The following CPNE4 variants were observed in gnomAD, a reference collection of about 807,000 sequenced individuals.
The protein encoded by CPNE4 is copine-4.
CPNE4 carries 25 observed loss-of-function variants against 67.9 expected under a neutral mutation model. The ratio of observed to expected loss-of-function variants is 0.37; its 90% CI spans 0.27 to 0.51. CPNE4 has a LOEUF of 0.51. CPNE4 is among the 20% of genes least tolerant of loss of function. The pLI is 0.93. For missense variants in CPNE4, 464 were observed against 690.8 expected, an observed-to-expected ratio of 0.67 and a Z score of 3.68; for synonymous variants, 242 against 244.9, an observed-to-expected ratio of 0.99 and a Z score of 0.11.
chr3:131,978,093 A>ATATATT (rs1230591249), intron 1 of CPNE4, among the ~76,000 whole-genome samples: 50 of 53,244 alleles, frequency 9.4e-4, no homozygotes, highest in African/African-American at 1.5e-3. Context: ...ATATAAATAT[A>ATATATT]TATATAAATA....
At chr3:131,989,974 G>T (rs1325849316) in intron 1 of CPNE4, among the ~76,000 whole-genome samples, 2 of 136,178 alleles carry the variant, frequency 1.5e-5, no homozygotes, top group African/African-American at 4.9e-5. Context: ...GCTCCATTTG[G>T]AAGGGGAATG....
chr3:131,960,816 C>T (rs1328017527), intron 1 of CPNE4, among the ~76,000 whole-genome samples: 6 of 152,122 alleles, frequency 3.9e-5, no homozygotes, highest in African/African-American at 1.2e-4. Context: ...GCCCTTTACC[C>T]TCCATAATCC....
At chr3:131,639,856 A>G (rs1215027933) in intron 7 of CPNE4, among the ~76,000 whole-genome samples, 2 of 152,182 alleles carry the variant, frequency 1.3e-5, no homozygotes, top group African/African-American at 2.4e-5. Flanking sequence ...GGTTTAACAT[A>G]CATAAGTCAA....
At chr3:132,002,381 T>C (rs1465975197) in intron 1 of CPNE4, among the ~76,000 whole-genome samples, 1 of 151,974 alleles carries the variant, frequency 6.6e-6, no homozygotes, top group African/African-American at 2.4e-5. Flanking sequence ...TTGTAAGGAG[T>C]TGAACTCTGA....
At chr3:131,850,132 A>T (rs371108933) in intron 2 of CPNE4, among the ~76,000 whole-genome samples, 5 of 152,246 alleles carry the variant, frequency 3.3e-5, no homozygotes, top group Admixed American at 2.0e-4. Flanking sequence ...ATTTCTCTGA[A>T]TTTTAAAACA....
rs2072732482 is a variant in CPNE4, at chr3:131,978,110, AAATATATATAAATAT to A, written c.-2+56442_-2+56456del. On this transcript the variant is annotated intron_variant, in intron 1 of 15. Coordinates refer to ENST00000429747, the MANE Select transcript of CPNE4 (RefSeq NM_130808.3). ...ATAAATATATATATAAATATATATA[AAATATATATAAATAT>A]ATATATTTATATAAATATATATAAA... Among the ~76,000 whole-genome samples, 2 of 55,820 alleles carry A rather than the reference AAATATATATAAATAT, an allele frequency of 3.6e-5. 1 individual carries two copies. The highest frequency in any genetic ancestry group is 5.1e-5 in the Non-Finnish European group (2 of 39,084). 36.6% of individuals were successfully genotyped at this position (55,820 alleles called of 152,430 possible).
intron 2 of CPNE4, among the ~76,000 whole-genome samples, chr3:131,865,288 C>A (rs539546523): frequency 1.2e-4 from 19 of 152,258 alleles, no homozygotes; most frequent in African/African-American, 4.6e-4. Flanking sequence ...ATGGTACCAG[C>A]TCCTCCTTGT....
intron 8 of CPNE4, among the ~76,000 whole-genome samples, chr3:131,584,900 C>T (rs1206259204): frequency 1.3e-5 from 2 of 152,160 alleles, no homozygotes; most frequent in Non-Finnish European, 2.9e-5. Context: ...TGCACATGCT[C>T]TTATCACATT....
At chr3:131,918,165 C>G (rs539890840) in intron 1 of CPNE4, among the ~76,000 whole-genome samples, 19 of 152,186 alleles carry the variant, frequency 1.2e-4, no homozygotes, top group African/African-American at 4.3e-4. Flanking sequence ...ATTGCACAAC[C>G]CAAAAATGGA....
At chr3:131,746,985 C>G (rs1368798976) in intron 2 of CPNE4, among the ~76,000 whole-genome samples, 1 of 152,028 alleles carries the variant, frequency 6.6e-6, no homozygotes, top group Admixed American at 6.6e-5. Flanking sequence ...GAGTAGATAA[C>G]TTATTTTAGT....
chr3:131,576,192 C>T (rs1025889438), intron 9 of CPNE4, among the ~76,000 whole-genome samples: 3 of 152,094 alleles, frequency 2.0e-5, no homozygotes, highest in East Asian at 1.9e-4. Context: ...CTAGATACCA[C>T]CTCCAGGTGG....
intron 1 of CPNE4, among the ~76,000 whole-genome samples, chr3:131,954,551 G>T (rs139142167): frequency 6.6e-6 from 1 of 152,096 alleles, no homozygotes; most frequent in Non-Finnish European, 1.5e-5. Flanking sequence ...CAACGTGCAG[G>T]TATATTACAT....
chr3:131,953,247 A>T (rs370632014), intron 1 of CPNE4, among the ~76,000 whole-genome samples: 2,308 of 92,588 alleles, frequency 0.025, 40 homozygotes, highest in East Asian at 0.067. Context: ...ATTAAAAAAA[A>T]AAAAAAAAAA....
At chr3:132,005,792 A>AG (rs1230702736) in intron 1 of CPNE4, among the ~76,000 whole-genome samples, 1 of 71,084 alleles carries the variant, frequency 1.4e-5, no homozygotes, top group East Asian at 3.1e-4. Flanking sequence ...TAATTGAAAA[A>AG]AAAAATCCAC....
chr3:131,706,846 C>T (rs962116238), intron 3 of CPNE4, among the ~76,000 whole-genome samples: 9 of 152,204 alleles, frequency 5.9e-5, no homozygotes, highest in Non-Finnish European at 8.8e-5. Context: ...TTTCAACCCA[C>T]TGCCAACCAG....
intron 1 of CPNE4, among the ~76,000 whole-genome samples, chr3:131,909,874 CAT>C (rs991318511): frequency 4.5e-4 from 69 of 151,990 alleles, no homozygotes; most frequent in African/African-American, 1.5e-3. Context: ...AAAGAATAAA[CAT>C]ATAAACTGGA....
chr3:131,763,120 A>T (rs1467431937), intron 2 of CPNE4, among the ~76,000 whole-genome samples: 1 of 152,154 alleles, frequency 6.6e-6, no homozygotes, highest in Non-Finnish European at 1.5e-5. Context: ...TTCTGAGTTG[A>T]TGCAGGTGTC....
At chr3:132,015,058 T>G (rs2073858648) in intron 1 of CPNE4, among the ~76,000 whole-genome samples, 1 of 152,250 alleles carries the variant, frequency 6.6e-6, no homozygotes, top group Admixed American at 6.5e-5. Flanking sequence ...CATTGCATTC[T>G]TTGCCTAACA....
intron 2 of CPNE4, among the ~76,000 whole-genome samples, chr3:131,819,258 C>T (rs970598899): frequency 3.9e-5 from 6 of 152,098 alleles, no homozygotes; most frequent in African/African-American, 1.4e-4. Flanking sequence ...GGAAATCACT[C>T]TGCTTTATCT....
Sources: allele counts gnomAD v4.1 joint callset (sites outside exome capture counted in the v4.1 genomes callset), GRCh38; gene constraint gnomAD v4.1.1; transcripts MANE v1.5; gene names NCBI Gene and HGNC (gene_info 2026-07-23, HGNC 2026-07-21).